CCDC175: variants seen among roughly 807,000 people sequenced by gnomAD.
CCDC175 encodes the protein coiled-coil domain containing 175.
In CCDC175, 100 loss-of-function variants were observed where a neutral mutation model predicts 114.6. That is an observed-to-expected ratio of 0.87 (90% CI 0.74 to 1.03). The LOEUF is 1.03. CCDC175 is among the 50% of genes least tolerant of loss of function. The pLI, the probability that CCDC175 is intolerant of heterozygous loss-of-function variation, is 0.00. For missense variants in CCDC175, 880 were observed against 917.8 expected, an observed-to-expected ratio of 0.96 and a Z score of 0.53; for synonymous variants, 306 against 308.7, an observed-to-expected ratio of 0.99 and a Z score of 0.09.
intron 14 of CCDC175, among the ~76,000 whole-genome samples, chr14:59,527,610 G>T (rs1162714653): frequency 6.6e-6 from 1 of 152,134 alleles, no homozygotes; most frequent in African/African-American, 2.4e-5. Context: ...GGTATAATAT[G>T]ATTAGATTTT....
Position 59,565,190 on chromosome 14 carries a change from C to T in CCDC175, c.577G>A (p.Val193Ile), listed in dbSNP as rs944989828. The change falls in exon 5 of 20, where the codon GTT (valine) becomes ATT (isoleucine). Residue 193 changes from valine to isoleucine, a missense_variant. Transcript: ENST00000537690. ...QTMEKKATTT[V>I]YINETYTKIN... ...TTGGTATAAGTCTCATTTATGTAAACAGTGGTGGTGGCTTTTTTCTCCATA... is the reference window on the plus strand; with the variant it reads ...TTGGTATAAGTCTCATTTATGTAAATAGTGGTGGTGGCTTTTTTCTCCATA... 2.6e-6 allele frequency: 4 copies of T among 1,537,652 alleles called. No homozygotes were observed. Among genetic ancestry groups the T allele is most frequent in the Non-Finnish European group, 3.5e-6 (4 of 1,147,026 alleles).
At chr14:59,573,560 A>G (rs971830670) in intron 2 of CCDC175, among the ~76,000 whole-genome samples, 2 of 151,896 alleles carry the variant, frequency 1.3e-5, no homozygotes, top group Non-Finnish European at 2.9e-5. Flanking sequence ...TTAATTTTTC[A>G]AAGTCAACAT....
Position 59,525,438 on chromosome 14 carries a change from C to T in CCDC175, c.1843-4G>A. On this transcript the variant is annotated splice_region_variant and splice_polypyrimidine_tract_variant and intron_variant, in intron 15 of 19. Transcript: ENST00000537690. ...GTAATTCTTGTTTTACATCTTCCTG[C>T]TCAAACAGAAAACCCCAAATTATCT... The T allele has an allele frequency of 6.6e-7, 1 of 1,513,722 alleles. No homozygotes were observed. The allele number at this position is 1,513,722 out of a possible 1,614,324, so 93.8% of individuals were successfully genotyped here. A position where few individuals can be genotyped will look rare whatever the true frequency, so the allele number is the denominator to read the frequency against.
At chr14:59,519,297 C>T (rs537731115) in intron 17 of CCDC175, among the ~76,000 whole-genome samples, 14 of 151,292 alleles carry the variant, frequency 9.3e-5, no homozygotes, top group African/African-American at 1.9e-4. Context: ...GCACATGTAC[C>T]GTAAAACTTA....
chr14:59,508,399 T>TACCCACACACACACACACACAC (rs1892549116), intron 19 of CCDC175, among the ~76,000 whole-genome samples: 1 of 97,350 alleles, frequency 1.0e-5, no homozygotes, highest in Non-Finnish European at 1.9e-5. Context: ...GTCTCCAAAA[T>TACCCACACACACACACACACAC]ACACACACAC....
chr14:59,540,481 T>G (rs1057035197), intron 11 of CCDC175, among the ~76,000 whole-genome samples, 194 bp downstream of exon 11: 1 of 133,554 alleles, frequency 7.5e-6, no homozygotes, highest in Non-Finnish European at 1.6e-5. Context: ...AAACTTTGAT[T>G]CTGTTCAATG....
chr14:59,506,009 C>T (rs374776714), intron 19 of CCDC175, among the ~76,000 whole-genome samples: 5 of 152,128 alleles, frequency 3.3e-5, no homozygotes, highest in African/African-American at 7.2e-5. Context: ...TTTCTTTGAG[C>T]GTCATATTGG....
At chr14:59,553,607 C>T (rs1234606821) in intron 7 of CCDC175, among the ~76,000 whole-genome samples, 3 of 152,186 alleles carry the variant, frequency 2.0e-5, no homozygotes, top group Admixed American at 1.3e-4. Context: ...CAAATTCACA[C>T]ACAACAATAT....
rs1360513267 is a variant in CCDC175, at chr14:59,551,449, G to T, written c.954-13C>A. On this transcript the variant is annotated splice_polypyrimidine_tract_variant and intron_variant, in intron 7 of 19. Coordinates refer to ENST00000537690, the MANE Select transcript of CCDC175 (RefSeq NM_001164399.2). The stretch of plus-strand genomic sequence containing the variant: ...TGTGAAAAAACACCTATGAACAAAG[G>T]AAGCCAAACAGATTCATATAAGAAC... 3.8e-6 allele frequency: 5 copies of T among 1,315,380 alleles called. No homozygotes were observed. The highest frequency in any genetic ancestry group is 3.0e-5 in the African/African-American group (2 of 65,820). The allele number at this position is 1,315,380 out of a possible 1,614,324, so 81.5% of individuals were successfully genotyped here. A position where few individuals can be genotyped will look rare whatever the true frequency, so the allele number is the denominator to read the frequency against.
chr14:59,515,139 C>A (rs1424815142), intron 17 of CCDC175, among the ~76,000 whole-genome samples: 3 of 152,172 alleles, frequency 2.0e-5, no homozygotes, highest in Non-Finnish European at 4.4e-5. Flanking sequence ...CACCACCAGG[C>A]CTGCCCTACA....
intron 17 of CCDC175, among the ~76,000 whole-genome samples, chr14:59,517,562 C>G (rs540299840): frequency 3.3e-5 from 5 of 152,160 alleles, no homozygotes; most frequent in Non-Finnish European, 7.3e-5. Context: ...AGTGAACTCC[C>G]ATTCACAATT....
chr14:59,573,426 C>T (rs961845882), intron 2 of CCDC175, among the ~76,000 whole-genome samples: 1 of 152,084 alleles, frequency 6.6e-6, no homozygotes, highest in Non-Finnish European at 1.5e-5. Context: ...TATATAGCAT[C>T]ATCACTTTTC....
intron 10 of CCDC175, among the ~76,000 whole-genome samples, chr14:59,541,879 G>A (rs896245292): frequency 1.3e-5 from 2 of 152,114 alleles, no homozygotes; most frequent in South Asian, 2.1e-4. Context: ...AGTCCAAATC[G>A]ATCTTCCTCC....
At chr14:59,569,886 AC>A (rs1180777365) in intron 3 of CCDC175, among the ~76,000 whole-genome samples, 1 of 152,142 alleles carries the variant, frequency 6.6e-6, no homozygotes, top group Non-Finnish European at 1.5e-5. Flanking sequence ...GAAATAGCAG[AC>A]CTAAGGAGTA....
At chr14:59,505,946 C>A (rs1254003556) in intron 19 of CCDC175, among the ~76,000 whole-genome samples, 1 of 152,136 alleles carries the variant, frequency 6.6e-6, no homozygotes, top group Non-Finnish European at 1.5e-5. Flanking sequence ...ATTATACTTA[C>A]AGTTCAGTAT....
In CCDC175 at chr14:59,538,033, C is replaced by T. The variant is rs771155724; in HGVS notation, c.1613G>A (p.Ser538Asn). Residue 538 changes from serine to asparagine, a missense_variant, in exon 13 of 20, where the codon AGC becomes AAC. Ser to Asn is a conservative substitution (Grantham distance 46). Coordinates refer to ENST00000537690, the MANE Select transcript of CCDC175 (RefSeq NM_001164399.2). ...CAAAATAAAATTTACCTCATACTTGCTTAACTCTTTCATTAACATTTTTTC... is the reference window on the plus strand; with the variant it reads ...CAAAATAAAATTTACCTCATACTTGTTTAACTCTTTCATTAACATTTTTTC... ...NKEKMLMKEL[S>N]KYEEIFVKET... 2.6e-6 allele frequency: 4 copies of T among 1,526,610 alleles called. No homozygotes were observed. The South Asian group carries it at 3.6e-5, about 14-fold the overall frequency. 94.6% of individuals were successfully genotyped at this position (1,526,610 alleles called of 1,614,324 possible). A position where few individuals can be genotyped will look rare whatever the true frequency, so the allele number is the denominator to read the frequency against.
chr14:59,549,471 C>T (rs1895321873), intron 8 of CCDC175, among the ~76,000 whole-genome samples: 1 of 152,082 alleles, frequency 6.6e-6, no homozygotes, highest in South Asian at 2.1e-4. Context: ...TGTGACTATG[C>T]CACTGCATTC....
At chr14:59,522,096 G>A (rs1893456690) in intron 16 of CCDC175, among the ~76,000 whole-genome samples, 1 of 152,218 alleles carries the variant, frequency 6.6e-6, no homozygotes, top group Non-Finnish European at 1.5e-5. Context: ...AGACTGCATG[G>A]AATTACTTAC....
At chr14:59,512,160 T>A (rs956419500) in intron 17 of CCDC175, among the ~76,000 whole-genome samples, 2 of 152,162 alleles carry the variant, frequency 1.3e-5, no homozygotes, top group East Asian at 3.9e-4. Flanking sequence ...ACAAAAAGAT[T>A]AGCAAACTGA....
Sources: allele counts gnomAD v4.1 joint callset (sites outside exome capture counted in the v4.1 genomes callset), GRCh38; gene constraint gnomAD v4.1.1; transcripts MANE v1.5; gene names NCBI Gene and HGNC (gene_info 2026-07-23, HGNC 2026-07-21).